FAT3: variants seen among roughly 807,000 people sequenced by gnomAD.
The protein encoded by FAT3 is protocadherin Fat 3.
Under a neutral mutation model 310.2 loss-of-function variants are expected in FAT3, and 95 were observed. The ratio of observed to expected loss-of-function variants is 0.31; its 90% confidence interval spans 0.26 to 0.36. FAT3 has a LOEUF of 0.36. Ranked by LOEUF, FAT3 falls within the 10% of genes least tolerant of loss-of-function variation. The pLI, the probability that FAT3 is intolerant of heterozygous loss-of-function variation, is 1.00. For synonymous variants in FAT3, 2,314 were observed against 2,192.9 expected, an observed-to-expected ratio of 1.06 and a Z score of -1.54; for missense variants, 5,408 against 5,715.6, an observed-to-expected ratio of 0.95 and a Z score of 1.74.
At position 92,774,156 on chromosome 11, in the gene FAT3, T is replaced by C; in HGVS notation, c.4311T>C (p.Asp1437=). 1 of 1,612,104 alleles carries C rather than the reference T, an allele frequency of 6.2e-7. No homozygotes were observed. Among genetic ancestry groups the C allele is most frequent in the Non-Finnish European group, 8.5e-7 (1 of 1,179,280 alleles). ...SIYNMSVEVT[D]GTNVAVTQVF... ...ATAATATGAGTGTGGAAGTCACCGA[T>C]GGGACAAATGTTGCTGTTACTCAGG... The change falls in exon 7 of 28, where the codon GAT becomes GAC. Residue 1437 remains aspartate, a synonymous_variant. Transcript: ENST00000525166.
chr11:92,304,077 C>T (rs565358667), intron 1 of FAT3, among the ~76,000 whole-genome samples: 4 of 152,188 alleles, frequency 2.6e-5, no homozygotes, highest in South Asian at 2.1e-4. Context: ...ACTGTGTAAC[C>T]TTTCCATTAC....
intron 4 of FAT3, among the ~76,000 whole-genome samples, chr11:92,711,688 A>G (rs1944526953): frequency 6.6e-6 from 1 of 152,220 alleles, no homozygotes; most frequent in Non-Finnish European, 1.5e-5. Flanking sequence ...ATGTTTATGT[A>G]AATATCTTTG....
intron 2 of FAT3, among the ~76,000 whole-genome samples, chr11:92,491,039 A>C (rs909149847): frequency 1.3e-5 from 2 of 152,006 alleles, no homozygotes; most frequent in African/African-American, 4.8e-5. Flanking sequence ...AGGGGCCTTG[A>C]GTTTGCCTAG....
chr11:92,321,429 T>TC (rs1947615630), intron 1 of FAT3, among the ~76,000 whole-genome samples: 1 of 147,662 alleles, frequency 6.8e-6, no homozygotes, highest in African/African-American at 2.5e-5. Flanking sequence ...AGGGCGAGAC[T>TC]CCGTCTCAAA....
intron 2 of FAT3, among the ~76,000 whole-genome samples, chr11:92,521,172 C>T (rs905218791): frequency 6.6e-5 from 10 of 151,916 alleles, no homozygotes; most frequent in Non-Finnish European, 1.0e-4. Flanking sequence ...CACACACATA[C>T]GTGGAAATGT....
intron 1 of FAT3, among the ~76,000 whole-genome samples, chr11:92,292,958 G>A (rs12792135): frequency 2.0e-5 from 3 of 151,402 alleles, no homozygotes; most frequent in African/African-American, 4.9e-5. Context: ...GGGTGTAGTG[G>A]ACAATGATTG....
rs1267446698 is a variant in FAT3, at chr11:92,354,690, T to G, written c.2578T>G (p.Leu860Val). Residue 860 changes from leucine (L) to valine (V), a missense_variant, in exon 2 of 28, where the codon TTA (leucine) becomes GTA (valine). By Grantham distance (32) the Leu-to-Val change is conservative (BLOSUM62 1). Transcript: ENST00000525166. ...IIQVEARDKD[L>V]GSNGEVTYSV... ...TCAAGTGGAAGCCAGAGACAAAGAC[T>G]TAGGTTCTAATGGTGAAGTGACTTA... The G allele has an allele frequency of 2.5e-6, 4 of 1,613,718 alleles. No individual in the cohort carries two copies. Among genetic ancestry groups the G allele is most frequent in the Non-Finnish European group, 3.4e-6 (4 of 1,179,874 alleles).
At chr11:92,445,757 A>C (rs1030223452) in intron 2 of FAT3, among the ~76,000 whole-genome samples, 2 of 152,012 alleles carry the variant, frequency 1.3e-5, no homozygotes, top group African/African-American at 4.8e-5. Context: ...GGTGCAGGGG[A>C]GCAGGTGGTG....
intron 4 of FAT3, among the ~76,000 whole-genome samples, chr11:92,746,618 C>A (rs927582175): frequency 5.9e-5 from 9 of 152,122 alleles, no homozygotes; most frequent in Non-Finnish European, 1.3e-4. Context: ...AGAATTAACT[C>A]AAAAGTCCAC....
At chr11:92,696,523 C>T (rs1407689325) in intron 3 of FAT3, among the ~76,000 whole-genome samples, 1 of 152,140 alleles carries the variant, frequency 6.6e-6, no homozygotes, top group Non-Finnish European at 1.5e-5. Flanking sequence ...TATGATTTTT[C>T]TCTGTTCCTC....
intron 4 of FAT3, among the ~76,000 whole-genome samples, chr11:92,725,857 G>T (rs1419135836): frequency 6.6e-6 from 1 of 152,064 alleles, no homozygotes; most frequent in Non-Finnish European, 1.5e-5. Flanking sequence ...CCTTGTCAGG[G>T]TGCCATACTG....
At chr11:92,577,193 C>G (rs1403508429) in intron 3 of FAT3, among the ~76,000 whole-genome samples, 1 of 152,054 alleles carries the variant, frequency 6.6e-6, no homozygotes, top group Non-Finnish European at 1.5e-5. Flanking sequence ...TCTGCAACCT[C>G]CGCCTCCTGG....
intron 3 of FAT3, among the ~76,000 whole-genome samples, chr11:92,536,827 A>G (rs2135400020): frequency 6.6e-6 from 1 of 152,228 alleles, no homozygotes; most frequent in East Asian, 1.9e-4. Flanking sequence ...CCTCTCTCAA[A>G]CTCCTAGAAA....
chr11:92,666,696 T>C (rs1360384289), intron 3 of FAT3, among the ~76,000 whole-genome samples: 4 of 151,834 alleles, frequency 2.6e-5, no homozygotes, highest in African/African-American at 7.3e-5. Flanking sequence ...AAGGGGTAGG[T>C]TTCTGGTGTG....
At chr11:92,255,214 C>A (rs1029623712) in intron 1 of FAT3, among the ~76,000 whole-genome samples, 32 of 152,188 alleles carry the variant, frequency 2.1e-4, no homozygotes, top group African/African-American at 6.0e-4. Context: ...GCTGTGTCCC[C>A]TCACAGGCCC....
chr11:92,428,677 A>G (rs542687514), intron 2 of FAT3, among the ~76,000 whole-genome samples: 8 of 152,184 alleles, frequency 5.3e-5, no homozygotes, highest in Non-Finnish European at 1.2e-4. Flanking sequence ...TTCAGTTTCC[A>G]TATAGTTGTG....
chr11:92,262,422 T>C (rs1323230313), intron 1 of FAT3, among the ~76,000 whole-genome samples: 1 of 152,088 alleles, frequency 6.6e-6, no homozygotes, highest in Non-Finnish European at 1.5e-5. Context: ...ATATCAAGCT[T>C]TCCCATTGGC....
At chr11:92,510,415 T>C (rs1327864356) in intron 2 of FAT3, among the ~76,000 whole-genome samples, 1 of 152,138 alleles carries the variant, frequency 6.6e-6, no homozygotes, top group Non-Finnish European at 1.5e-5. Flanking sequence ...ATCTAAGTTA[T>C]AGGAGAGAAA....
In FAT3 at chr11:92,801,743, C is replaced by A; in HGVS notation, c.8730C>A (p.Val2910=). The part of the protein sequence containing the change: ...EAFSLSSTAL[V]SVRVTDINDN... ...TCTCTCTTTCCTCCACGGCCTTGGT[C>A]TCTGTCAGAGTGACAGATATAAATG... The change falls in exon 10 of 28, where the codon GTC becomes GTA. Residue 2910 remains valine (V), a synonymous_variant. Transcript: ENST00000525166. 2 of 1,613,946 alleles carry A rather than the reference C, an allele frequency of 1.2e-6. No homozygotes were observed. The highest frequency in any genetic ancestry group is 1.1e-5 in the South Asian group (1 of 91,072).
Sources: allele counts gnomAD v4.1 joint callset (sites outside exome capture counted in the v4.1 genomes callset), GRCh38; gene constraint gnomAD v4.1.1; transcripts MANE v1.5; gene names NCBI Gene and HGNC (gene_info 2026-07-23, HGNC 2026-07-21).